RNF216: variants seen among roughly 807,000 people sequenced by gnomAD.
RNF216 encodes ring finger protein 216.
Under a neutral mutation model 110.8 loss-of-function variants are expected in RNF216, and 72 were observed. The observed-to-expected ratio is 0.65, with a 90% CI of 0.54 to 0.79. RNF216 has a LOEUF of 0.79. Ranked by LOEUF, RNF216 falls within the 30% of genes least tolerant of loss-of-function variation. RNF216 has a pLI of 0.00. For missense variants in RNF216, 1,342 were observed against 1,141.2 expected, an observed-to-expected ratio of 1.18 and a Z score of -2.54; for synonymous variants, 495 against 407.5, an observed-to-expected ratio of 1.21 and a Z score of -2.59.
chr7:5,687,633 A>T (rs1791076974), intron 13 of RNF216, among the ~76,000 whole-genome samples: 1 of 152,212 alleles, frequency 6.6e-6, no homozygotes, highest in African/African-American at 2.4e-5. Context: ...AGATTAACAG[A>T]TCTCATTACA....
chr7:5,637,036 C>T (rs1478447474), intron 15 of RNF216, among the ~76,000 whole-genome samples: 1 of 152,158 alleles, frequency 6.6e-6, no homozygotes, highest in Non-Finnish European at 1.5e-5. Context: ...CCCACTCTGC[C>T]CTTTGTCTCT....
intron 13 of RNF216, among the ~76,000 whole-genome samples, chr7:5,658,853 C>T (rs1477533170): frequency 1.3e-5 from 2 of 152,012 alleles, no homozygotes; most frequent in African/African-American, 4.8e-5. Context: ...TTTTCTGATA[C>T]GGCAAGCAAT....
intron 1 of RNF216, among the ~76,000 whole-genome samples, chr7:5,768,855 G>T (rs1252729781): frequency 6.6e-6 from 1 of 151,496 alleles, no homozygotes; most frequent in Non-Finnish European, 1.5e-5. Context: ...TAGAGACAGG[G>T]TTTCACCATG....
chr7:5,739,896 G>C (rs1048328977), intron 4 of RNF216, among the ~76,000 whole-genome samples: 1 of 151,578 alleles, frequency 6.6e-6, no homozygotes, highest in East Asian at 2.0e-4. Context: ...CCAGCTACTC[G>C]GGAGGCAGAG....
At chr7:5,718,663 G>A (rs2128634265) in intron 9 of RNF216, among the ~76,000 whole-genome samples, 1 of 151,428 alleles carries the variant, frequency 6.6e-6, no homozygotes, top group East Asian at 2.0e-4. Context: ...CAATTCTCGT[G>A]CCTCATCCTC....
intron 14 of RNF216, among the ~76,000 whole-genome samples, chr7:5,645,773 T>G (rs1788013807): frequency 1.3e-5 from 2 of 151,992 alleles, no homozygotes; most frequent in African/African-American, 2.4e-5. Context: ...GTGTTTTTAG[T>G]AGAGAAAGGT....
At chr7:5,743,481 C>T (rs1055452527) in intron 3 of RNF216, among the ~76,000 whole-genome samples, 1 of 152,058 alleles carries the variant, frequency 6.6e-6, no homozygotes. Context: ...CAACTGACCC[C>T]TACCAAAAAA....
intron 14 of RNF216, among the ~76,000 whole-genome samples, chr7:5,642,235 C>CAA (rs1787781728): frequency 6.7e-6 from 1 of 148,748 alleles, no homozygotes; most frequent in Non-Finnish European, 1.5e-5. Flanking sequence ...TTTTTTGAGA[C>CAA]AGAGTCTTGC....
intron 13 of RNF216, among the ~76,000 whole-genome samples, chr7:5,664,909 G>A (rs1371884135): frequency 6.6e-6 from 1 of 152,152 alleles, no homozygotes; most frequent in Non-Finnish European, 1.5e-5. Context: ...AATTCTTCCT[G>A]CCACAGCCTC....
chr7:5,752,858 G>A lies in RNF216; in HGVS notation c.189C>T (p.Val63=), dbSNP rs547004693. The change falls in exon 3 of 17, where the codon GTC becomes GTT. Residue 63 remains valine, a synonymous_variant. Coordinates refer to ENST00000389902, the MANE Select transcript of RNF216 (RefSeq NM_207111.4). The part of the protein sequence containing the change: ...QHEEEDLDDD[V]ILTETNKPQR... The stretch of plus-strand genomic sequence containing the variant: ...AAAGAAAACTCACTTCTGTCAGGAT[G>A]ACATCATCATCCAGGTCCTCTTCTT... 181 of 1,611,512 alleles carry A rather than the reference G, an allele frequency of 1.1e-4. 1 individual carries two copies. The South Asian group carries it at 1.9e-3, about 17-fold the overall frequency.
At position 5,638,620 on chromosome 7, in the gene RNF216, T is replaced by C. The variant is rs184494201; in HGVS notation, c.2382+2534A>G. Among the ~76,000 whole-genome samples, 637 of 148,514 alleles carry C rather than the reference T, an allele frequency of 4.3e-3. 1 individual carries two copies. Among genetic ancestry groups the C allele is most frequent in the African/African-American group, 0.014 (544 of 40,222 alleles). Reference sequence around the variant, plus strand: ...CCAACTCCAACAGATTGTGGCCAGGTAGAAAAGCAAGCATTTTTTTTTTTT... The same window carrying C: ...CCAACTCCAACAGATTGTGGCCAGGCAGAAAAGCAAGCATTTTTTTTTTTT... On this transcript the variant is annotated intron_variant, in intron 15 of 16. Transcript: ENST00000389902.
chr7:5,720,532 T>C (rs1793353189), intron 9 of RNF216, among the ~76,000 whole-genome samples: 1 of 152,126 alleles, frequency 6.6e-6, no homozygotes, highest in South Asian at 2.1e-4. Context: ...TATGCTGACT[T>C]TCAGCTGCAC....
chr7:5,697,155 T>C (rs1441689638), intron 13 of RNF216, among the ~76,000 whole-genome samples: 2 of 152,176 alleles, frequency 1.3e-5, no homozygotes, highest in Non-Finnish European at 1.5e-5. Context: ...TTTGCTCGTG[T>C]CATTCTCTGG....
chr7:5,686,798 T>C (rs1293411956), intron 13 of RNF216, among the ~76,000 whole-genome samples: 1 of 152,154 alleles, frequency 6.6e-6, no homozygotes, highest in Non-Finnish European at 1.5e-5. Flanking sequence ...GGACAGGGCG[T>C]GGAGAGATGG....
intron 1 of RNF216, among the ~76,000 whole-genome samples, chr7:5,773,389 C>T (rs1022164741): frequency 4.0e-5 from 6 of 150,778 alleles, no homozygotes; most frequent in Non-Finnish European, 8.9e-5. Flanking sequence ...ATTAAGGGTG[C>T]CCGCCACCAA....
At chr7:5,693,240 T>C (rs1461757914) in intron 13 of RNF216, among the ~76,000 whole-genome samples, 1 of 152,236 alleles carries the variant, frequency 6.6e-6, no homozygotes, top group Non-Finnish European at 1.5e-5. Context: ...TTTCACGCTA[T>C]AAAGGCAGAG....
intron 13 of RNF216, among the ~76,000 whole-genome samples, chr7:5,655,859 T>G (rs566956951): frequency 6.6e-6 from 1 of 152,280 alleles, no homozygotes; most frequent in African/African-American, 2.4e-5. Context: ...GAAACGCTCT[T>G]GAATGGTTTT....
chr7:5,670,988 G>A (rs1789870351), intron 13 of RNF216, among the ~76,000 whole-genome samples: 1 of 152,072 alleles, frequency 6.6e-6, no homozygotes, highest in Non-Finnish European at 1.5e-5. Context: ...TGGTTCCGGG[G>A]GAGCTGCCGG....
At chr7:5,733,823 A>G (rs1037877382) in intron 5 of RNF216, among the ~76,000 whole-genome samples, 7 of 152,224 alleles carry the variant, frequency 4.6e-5, no homozygotes. Flanking sequence ...ACAAAAAATA[A>G]CATCATAACT....
Sources: gnomAD v4.1 joint callset for allele counts (sites outside exome capture counted in the v4.1 genomes callset) on GRCh38, gnomAD v4.1.1 for gene constraint, MANE v1.5 for transcripts, NCBI Gene and HGNC (gene_info 2026-07-23, HGNC 2026-07-21) for gene names.